WWOX: variants seen among roughly 807,000 people sequenced by gnomAD.
WWOX encodes the protein WW domain-containing oxidoreductase.
WWOX carries 69 observed loss-of-function variants against 46.2 expected under a neutral mutation model. That is an observed-to-expected ratio of 1.49 (90% CI 1.23 to 1.82). The LOEUF (loss-of-function observed/expected upper bound fraction) is 1.82. Ranked by LOEUF, WWOX falls within the 40% of genes most tolerant of loss-of-function variation. The probability of loss-of-function intolerance (pLI) is 0.00; values close to 1 mark genes in which losing one functional copy is unlikely to be tolerated. For missense variants in WWOX, 919 were observed against 542.6 expected (o/e 1.69, Z -6.89); for synonymous variants, 359 against 202.6 (o/e 1.77, Z -6.56).
intron 8 of WWOX, among the ~76,000 whole-genome samples, chr16:78,906,636 G>A (rs1224249262): frequency 6.6e-6 from 1 of 152,222 alleles, no homozygotes. Context: ...GTCAGCTTCA[G>A]TGATGATAAA....
At chr16:78,702,100 T>TTATATATATATATATATATATATATA (rs72067397) in intron 8 of WWOX, among the ~76,000 whole-genome samples, 34 of 81,218 alleles carry the variant, frequency 4.2e-4, no homozygotes, top group African/African-American at 2.3e-3. Context: ...ATCTATAAAG[T>TTATATATATATATATATATATATATA]TATATATATA....
chr16:78,356,931 T>A (rs141019383), intron 5 of WWOX, among the ~76,000 whole-genome samples: 122 of 152,268 alleles, frequency 8.0e-4, no homozygotes, highest in Non-Finnish European at 9.7e-4. Flanking sequence ...ATATGAGATC[T>A]TCACCCAATC....
intron 8 of WWOX, among the ~76,000 whole-genome samples, chr16:79,143,354 A>G (rs1207874149): frequency 6.6e-6 from 1 of 152,192 alleles, no homozygotes; most frequent in African/African-American, 2.4e-5. Context: ...TTCTATTAAA[A>G]TGTCAGTGTA....
chr16:78,751,171 A>T (rs1233244960), intron 8 of WWOX, among the ~76,000 whole-genome samples: 1 of 152,172 alleles, frequency 6.6e-6, no homozygotes, highest in African/African-American at 2.4e-5. Context: ...AAAAGGGAAT[A>T]GTACACTACA....
chr16:79,032,527 A>G (rs1028921772), intron 8 of WWOX, among the ~76,000 whole-genome samples: 2 of 148,342 alleles, frequency 1.3e-5, no homozygotes, highest in Non-Finnish European at 3.0e-5. Context: ...TATATACACA[A>G]TAGTCTAGTA....
At chr16:78,422,744 TATACACATATATACAC>T (rs2082970340) in intron 6 of WWOX, among the ~76,000 whole-genome samples, 1 of 107,828 alleles carries the variant, frequency 9.3e-6, no homozygotes, top group Admixed American at 9.4e-5. Context: ...CACACATATA[TATACACATATATACAC>T]ATATATATAC....
intron 8 of WWOX, among the ~76,000 whole-genome samples, chr16:78,816,699 A>C (rs2051339713): frequency 6.6e-6 from 1 of 152,018 alleles, no homozygotes; most frequent in Admixed American, 6.6e-5. Flanking sequence ...ATGTCACTTT[A>C]AAATGTAGAG....
chr16:78,355,246 G>A (rs1359339452), intron 5 of WWOX, among the ~76,000 whole-genome samples: 2 of 110,044 alleles, frequency 1.8e-5, no homozygotes, highest in East Asian at 2.0e-4. Flanking sequence ...CTGTGTGTGT[G>A]TGTGTCTGTA....
intron 8 of WWOX, among the ~76,000 whole-genome samples, chr16:78,738,114 G>GA (rs2049132137): frequency 6.6e-6 from 1 of 152,096 alleles, no homozygotes; most frequent in Non-Finnish European, 1.5e-5. Flanking sequence ...ATGTCTTCCT[G>GA]AAAAACAGTT....
chr16:78,832,568 C>T (rs1263663683), intron 8 of WWOX, among the ~76,000 whole-genome samples: 1 of 152,208 alleles, frequency 6.6e-6, no homozygotes, highest in Non-Finnish European at 1.5e-5. Flanking sequence ...CACCTGCTCG[C>T]TTCACTGGTT....
intron 8 of WWOX, among the ~76,000 whole-genome samples, chr16:78,458,295 G>A (rs377595641): frequency 9.6e-5 from 13 of 135,980 alleles, no homozygotes; most frequent in Admixed American, 1.6e-4. Context: ...GGGTCTTACT[G>A]TGTTATTCAG....
intron 8 of WWOX, among the ~76,000 whole-genome samples, chr16:78,905,446 A>T (rs945232325): frequency 1.3e-5 from 2 of 152,226 alleles, no homozygotes; most frequent in African/African-American, 4.8e-5. Context: ...AAGTGGCCCA[A>T]TCATGGCTTA....
rs116705749 is a variant in WWOX, at chr16:79,111,670, G to A, written c.1057-99938G>A. ...AAAAAGGGCAGTAGGTAATTCTGGA[G>A]GCAAATCAGCATGGGTAATGTCTAG... On this transcript the variant is annotated intron_variant, in intron 8 of 8. Transcript: ENST00000566780. 2.0e-3 allele frequency among the ~76,000 whole-genome samples: 310 copies of A among 152,248 alleles called. 2 individuals carry two copies. Among genetic ancestry groups the A allele is most frequent in the African/African-American group, 7.4e-3 (306 of 41,530 alleles).
chr16:78,642,119 T>G (rs2046732757), intron 8 of WWOX, among the ~76,000 whole-genome samples: 1 of 152,184 alleles, frequency 6.6e-6, no homozygotes, highest in East Asian at 1.9e-4. Context: ...TAATTGACAA[T>G]TTCTCTCCAT....
intron 8 of WWOX, among the ~76,000 whole-genome samples, chr16:78,765,478 AGAC>A (rs1472836304): frequency 6.6e-6 from 1 of 152,176 alleles, no homozygotes; most frequent in African/African-American, 2.4e-5. Flanking sequence ...CAGGAGTTCG[AGAC>A]CAGCCTGGCC....
At chr16:78,714,866 G>A (rs534770922) in intron 8 of WWOX, among the ~76,000 whole-genome samples, 1 of 152,324 alleles carries the variant, frequency 6.6e-6, no homozygotes, top group South Asian at 2.1e-4. Context: ...TTAAGCCAGA[G>A]AGAGATTGAT....
intron 5 of WWOX, among the ~76,000 whole-genome samples, chr16:78,359,488 A>G (rs900761625): frequency 2.0e-5 from 3 of 152,192 alleles, no homozygotes; most frequent in African/African-American, 7.2e-5. Context: ...GGTACTTAAG[A>G]AATCGTTGAA....
At chr16:78,892,101 A>C (rs1197102688) in intron 8 of WWOX, 1 of 152,126 alleles carries the variant, frequency 6.6e-6, no homozygotes, top group Admixed American at 6.5e-5. Context: ...GTTTCTCGCT[A>C]AACATTGTCA....
At chr16:79,013,539 A>C (rs893350774) in intron 8 of WWOX, among the ~76,000 whole-genome samples, 5 of 152,152 alleles carry the variant, frequency 3.3e-5, no homozygotes, top group African/African-American at 1.2e-4. Flanking sequence ...GGGACAGCAA[A>C]AGCACACACA....
Sources: allele counts gnomAD v4.1 joint callset (sites outside exome capture counted in the v4.1 genomes callset), GRCh38; gene constraint gnomAD v4.1.1; transcripts MANE v1.5; gene names NCBI Gene and HGNC (gene_info 2026-07-23, HGNC 2026-07-21).